The following HADHB variants were observed in gnomAD, a reference collection of about 807,000 sequenced individuals.
HADHB encodes hydroxyacyl-CoA dehydrogenase trifunctional multienzyme complex subunit beta.
A neutral mutation model predicts 61.9 loss-of-function variants in HADHB; 50 were observed. The observed-to-expected ratio is 0.81, with a 90% CI of 0.64 to 1.02. HADHB has a LOEUF of 1.02. HADHB is among the 50% of genes least tolerant of loss of function. HADHB has a pLI of 0.00. For synonymous variants in HADHB, 191 were observed against 201.6 expected, an observed-to-expected ratio of 0.95 and a Z score of 0.45; for missense variants, 504 against 586.5, an observed-to-expected ratio of 0.86 and a Z score of 1.45.
At chr2:26,252,477 T>G (rs1246868476) in intron 1 of HADHB, among the ~76,000 whole-genome samples, 2 of 152,212 alleles carry the variant, frequency 1.3e-5, no homozygotes, top group Non-Finnish European at 2.9e-5. Flanking sequence ...CCAGTTCCCT[T>G]TCTTCCAGCC....
chr2:26,289,655 GTATATATATACACACATATACAAA>G (rs1459298963), intron 15 of HADHB, among the ~76,000 whole-genome samples: 1 of 151,802 alleles, frequency 6.6e-6, no homozygotes, highest in African/African-American at 2.4e-5. Context: ...ATATGTGTGT[GTATATATATACACACATATACAAA>G]TATACTGTAT....
chr2:26,289,605 G>A (rs888231027), intron 15 of HADHB, among the ~76,000 whole-genome samples: 4 of 152,118 alleles, frequency 2.6e-5, no homozygotes, highest in Non-Finnish European at 5.9e-5. Flanking sequence ...AGAGCCTGAT[G>A]CATATATGTA....
Position 26,244,960 on chromosome 2 carries a change from C to G in HADHB, c.-39C>G, listed in dbSNP as rs1054412252. ...TGGTACTTGGACCTGAACCTTGCTCCGAGAGGGAGTCCTCGCGGACGTCAG... is the reference window on the plus strand; with the variant it reads ...TGGTACTTGGACCTGAACCTTGCTCGGAGAGGGAGTCCTCGCGGACGTCAG... On this transcript the variant is annotated 5_prime_UTR_variant, in exon 1 of 16. Coordinates refer to ENST00000317799, the MANE Select transcript of HADHB (RefSeq NM_000183.3). The G allele has an allele frequency of 6.6e-6, 2 of 302,254 alleles. No individual in the cohort carries two copies. The highest frequency in any genetic ancestry group is 8.4e-5 in the Admixed American group (2 of 23,776). The allele number at this position is 302,254 out of a possible 1,614,324, so 18.7% of individuals were successfully genotyped here. A position where few individuals can be genotyped will look rare whatever the true frequency, so the allele number is the denominator to read the frequency against.
At chr2:26,254,197 T>C in intron 1 of HADHB, 50 bp from the exon 2 acceptor site, 1 of 870,862 alleles carries the variant, frequency 1.1e-6, no homozygotes, top group Non-Finnish European at 2.0e-6. Flanking sequence ...CAATGTAAAC[T>C]ACAAATTGTT....
At chr2:26,249,882 T>C (rs1201786959) in intron 1 of HADHB, among the ~76,000 whole-genome samples, 1 of 152,102 alleles carries the variant, frequency 6.6e-6, no homozygotes, top group Non-Finnish European at 1.5e-5. Flanking sequence ...ATTATTCTGA[T>C]TGGTTTAAAC....
chr2:26,258,616 G>A (rs1671734626), intron 3 of HADHB, among the ~76,000 whole-genome samples: 1 of 152,222 alleles, frequency 6.6e-6, no homozygotes, highest in African/African-American at 2.4e-5. Context: ...GCGAACAGCA[G>A]TGGTGGAAGG....
intron 4 of HADHB, among the ~76,000 whole-genome samples, chr2:26,266,871 C>CTAAAAAAAAA (rs1672104507): frequency 2.2e-5 from 1 of 45,426 alleles, no homozygotes; most frequent in Non-Finnish European, 3.8e-5. Context: ...CACTCTCTCT[C>CTAAAAAAAAA]AAAAAAAAAA....
intron 3 of HADHB, chr2:26,261,366 C>A: frequency 3.8e-5 from 10 of 266,268 alleles, no homozygotes; most frequent in East Asian, 6.5e-5. Context: ...TTCAATATTT[C>A]ATGACTTTCT....
Position 26,277,936 on chromosome 2 carries a change from C to T in HADHB, c.443-678C>T, listed in dbSNP as rs59176456. ...CTTCACTTTCTCCTTACATCCTTGTCATTTTTATAAATCACTGAAAACCCC... is the reference window on the plus strand; with the variant it reads ...CTTCACTTTCTCCTTACATCCTTGTTATTTTTATAAATCACTGAAAACCCC... On this transcript the variant is annotated intron_variant, in intron 7 of 15. Coordinates refer to ENST00000317799, the MANE Select transcript of HADHB (RefSeq NM_000183.3). Among the ~76,000 whole-genome samples the T allele has an allele frequency of 6.3e-3, 956 of 152,344 alleles. 8 individuals carry two copies. The highest frequency in any genetic ancestry group is 0.022 in the African/African-American group (894 of 41,576).
rs181947319 is a variant in HADHB, at chr2:26,269,217, A to G, written c.210-736A>G. Among the ~76,000 whole-genome samples, 400 of 151,386 alleles carry G rather than the reference A, an allele frequency of 2.6e-3. 4 individuals are homozygous for G. The highest frequency in any genetic ancestry group is 7.4e-4 in the Non-Finnish European group (50 of 67,942). ...CTCTTTTTCCAATTCTTATTTATGT[A>G]TTTACACAGGGTCTTGCTCTGCTGC... On this transcript the variant is annotated intron_variant, in intron 4 of 15. Coordinates refer to ENST00000317799, the MANE Select transcript of HADHB (RefSeq NM_000183.3).
intron 5 of HADHB, among the ~76,000 whole-genome samples, chr2:26,270,873 T>C (rs944902515): frequency 1.3e-5 from 2 of 149,688 alleles, no homozygotes; most frequent in African/African-American, 4.9e-5. Flanking sequence ...CTGATTCTTC[T>C]GTAGCTTTTT....
chr2:26,260,267 A>G (rs1671807605), intron 3 of HADHB, among the ~76,000 whole-genome samples: 1 of 151,898 alleles, frequency 6.6e-6, no homozygotes, highest in African/African-American at 2.4e-5. Flanking sequence ...TTTTTAGTAG[A>G]GACGGGGTTT....
At chr2:26,280,676 A>G (rs1672749737) in intron 10 of HADHB, among the ~76,000 whole-genome samples, 1 of 152,158 alleles carries the variant, frequency 6.6e-6, no homozygotes, top group African/African-American at 2.4e-5. Context: ...AACATGGAGA[A>G]ACCCCGTCTC....
chr2:26,259,873 G>T (rs1485349562), intron 3 of HADHB, among the ~76,000 whole-genome samples: 1 of 152,120 alleles, frequency 6.6e-6, no homozygotes, highest in Non-Finnish European at 1.5e-5. Flanking sequence ...AAAGGGGCCA[G>T]GCAGATGGGA....
chr2:26,287,152 C>T (rs1010327936), intron 15 of HADHB, among the ~76,000 whole-genome samples: 2 of 151,964 alleles, frequency 1.3e-5, no homozygotes, highest in Admixed American at 1.3e-4. Context: ...TGCAGTGAGC[C>T]GAGATGGCGC....
chr2:26,270,398 G>T (rs1672287212), intron 5 of HADHB, among the ~76,000 whole-genome samples: 1 of 152,198 alleles, frequency 6.6e-6, no homozygotes, highest in Non-Finnish European at 1.5e-5. Flanking sequence ...TGAATAATTT[G>T]GTTGAGAATC....
intron 4 of HADHB, among the ~76,000 whole-genome samples, chr2:26,264,885 G>C (rs562868494): frequency 2.0e-5 from 3 of 151,240 alleles, no homozygotes; most frequent in African/African-American, 7.3e-5. Context: ...AGCTACTCGA[G>C]ACACTAAGGC....
rs963342346 is a variant in HADHB, at chr2:26,287,792, G to A, written c.1390-2126G>A. Among the ~76,000 whole-genome samples, 5 of 152,126 alleles carry A rather than the reference G, an allele frequency of 3.3e-5. No homozygotes were observed. The East Asian group carries it at 9.6e-4, about 29-fold the overall frequency. On this transcript the variant is annotated intron_variant, in intron 15 of 15. Transcript: ENST00000317799. ...GGGCCAAACAATTCTTTGTTTTGGG[G>A]GGCTGTGTGTTGTAGGGTGTTTAGC...
intron 1 of HADHB, among the ~76,000 whole-genome samples, chr2:26,253,904 A>AT (rs59192748): frequency 2.2e-4 from 33 of 150,726 alleles, no homozygotes; most frequent in Non-Finnish European, 3.1e-4. Flanking sequence ...AAATAAATAA[A>AT]AATTCCAGCT....
Sources: allele counts gnomAD v4.1 joint callset (sites outside exome capture counted in the v4.1 genomes callset), GRCh38; gene constraint gnomAD v4.1.1; transcripts MANE v1.5; gene names NCBI Gene and HGNC (gene_info 2026-07-23, HGNC 2026-07-21).